Variants in ZNF3 observed in about 807,000 individuals in gnomAD.
The protein encoded by ZNF3 is C2-H2 type zinc finger protein.
In ZNF3, 16 loss-of-function variants were observed where a neutral mutation model predicts 36.9. That is an observed-to-expected ratio of 0.43 (90% CI 0.29 to 0.66). The LOEUF (loss-of-function observed/expected upper bound fraction) is 0.66, where lower values mean the gene tolerates loss of function less well. Ranked by LOEUF, ZNF3 falls within the 30% of genes least tolerant of loss-of-function variation. The pLI is 0.13. For synonymous variants in ZNF3, 201 were observed against 201.9 expected (o/e 1.00, Z 0.04); for missense variants, 462 against 543.1 (o/e 0.85, Z 1.48).
chr7:100,070,377 AAG>A lies in ZNF3; in HGVS notation c.*764_*765del. ...TTCATCATTGGAGTGGGAAGAGGAC[AAG>A]AGAGGACAGCAATCAGAGGCCAACG... is the stretch of plus-strand genomic sequence containing the variant. On this transcript the variant is annotated 3_prime_UTR_variant, in exon 6 of 6. Coordinates refer to ENST00000299667, the MANE Select transcript of ZNF3 (RefSeq NM_032924.5). 4.1e-6 allele frequency: 4 copies of A among 985,460 alleles called. No individual in the cohort carries two copies. Among genetic ancestry groups the A allele is most frequent in the Non-Finnish European group, 4.8e-6 (4 of 829,972 alleles). 61.0% of individuals were successfully genotyped at this position (985,460 alleles called of 1,614,324 possible).
intron 5 of ZNF3, 57 bp downstream of exon 5, chr7:100,075,078 C>A: frequency 6.5e-7 from 1 of 1,536,540 alleles, no homozygotes; most frequent in Non-Finnish European, 8.7e-7. Flanking sequence ...TTGTTACTAG[C>A]AAACGAAGAA....
intron 3 of ZNF3, 72 bp downstream of exon 3, chr7:100,077,230 TG>T: frequency 6.3e-7 from 1 of 1,586,948 alleles, no homozygotes; most frequent in Non-Finnish European, 8.7e-7. Flanking sequence ...GCCTAGTACC[TG>T]GTAAGTGAGC....
intron 1 of ZNF3, among the ~76,000 whole-genome samples, chr7:100,080,823 AAAAG>A (rs1156673639): frequency 3.9e-5 from 6 of 152,200 alleles, no homozygotes; most frequent in Non-Finnish European, 7.3e-5. Flanking sequence ...TTTTTTTAAA[AAAAG>A]AGCTTCAATA....
chr7:100,074,112 G>T (rs190323047), intron 5 of ZNF3, among the ~76,000 whole-genome samples: 5 of 151,820 alleles, frequency 3.3e-5, no homozygotes, highest in African/African-American at 1.2e-4. Flanking sequence ...CCGAGACCAC[G>T]CTATTGCACT....
chr7:100,077,565 ATTTTC>A (rs770478608), intron 2 of ZNF3, 132 bp from the exon 3 acceptor site: 24 of 749,140 alleles, frequency 3.2e-5, no homozygotes, highest in Non-Finnish European at 4.4e-5. Flanking sequence ...CTAGTCTTTT[ATTTTC>A]TTTTATTTTT....
At chr7:100,074,731 G>C (rs765593658) in intron 5 of ZNF3, among the ~76,000 whole-genome samples, 1 of 152,116 alleles carries the variant, frequency 6.6e-6, no homozygotes, top group Non-Finnish European at 1.5e-5. Flanking sequence ...AGTTTCCTAA[G>C]ACTAAGTCAA....
At position 100,077,410 on chromosome 7, in the gene ZNF3, G is replaced by A; in HGVS notation, c.-53C>T. 2 of 1,612,928 alleles carry A rather than the reference G, an allele frequency of 1.2e-6. No individual in the cohort carries two copies. Among genetic ancestry groups the A allele is most frequent in the Non-Finnish European group, 8.5e-7 (1 of 1,179,504 alleles). On this transcript the variant is annotated 5_prime_UTR_variant, in exon 3 of 6. Coordinates refer to ENST00000299667, the MANE Select transcript of ZNF3 (RefSeq NM_032924.5). ...TGGGTGCAGACTCAGCGGGAAGCGG[G>A]TTTTAAAAGAGAATGAGGAAGCACT...
At position 100,071,867 on chromosome 7, in the gene ZNF3, C is replaced by G; in HGVS notation, c.617G>C (p.Ser206Thr). 6.2e-7 allele frequency: 1 copy of G among 1,614,120 alleles called. No individual in the cohort carries two copies. Among genetic ancestry groups the G allele is most frequent in the South Asian group, 1.1e-5 (1 of 91,062 alleles). ...GDRPHKCDEC[S>T]KSFNRTSDLI... ...GTCTGAAGTTCGATTAAAGCTCTTG[C>G]TACATTCATCACACTTATGGGGTCT... Residue 206 changes from serine (S) to threonine (T), a missense_variant, in exon 6 of 6, where the codon AGC becomes ACC. Transcript: ENST00000299667.
downstream of ZNF3, among the ~76,000 whole-genome samples, chr7:100,068,283 G>A (rs971398159): frequency 8.5e-5 from 13 of 152,108 alleles, no homozygotes; most frequent in African/African-American, 2.6e-4. Flanking sequence ...GAGTTTTACC[G>A]TGTTGGCCAG....
chr7:100,077,482 T>A, intron 2 of ZNF3, 49 bp from the exon 3 acceptor site: 1 of 1,535,914 alleles, frequency 6.5e-7, no homozygotes, highest in Non-Finnish European at 8.8e-7. Flanking sequence ...AAAAACCTCC[T>A]GAATACAGAA....
downstream of ZNF3, among the ~76,000 whole-genome samples, chr7:100,068,546 G>A (rs923701902): frequency 5.9e-5 from 9 of 151,588 alleles, no homozygotes; most frequent in East Asian, 2.0e-4. Flanking sequence ...GGTGGTGGGC[G>A]CCTGTAATCT....
intron 3 of ZNF3, 44 bp from the exon 4 acceptor site, chr7:100,075,674 G>A (rs1352340439): frequency 6.3e-7 from 1 of 1,592,838 alleles, no homozygotes; most frequent in Non-Finnish European, 8.6e-7. Flanking sequence ...CATCTGCTCT[G>A]TGACCTCCCA....
In ZNF3 at chr7:100,072,149, A is replaced by G; in HGVS notation, c.335T>C (p.Leu112Pro). 6.2e-7 allele frequency: 1 copy of G among 1,612,742 alleles called. No individual in the cohort carries two copies. Among genetic ancestry groups the G allele is most frequent in the Non-Finnish European group, 8.5e-7 (1 of 1,179,690 alleles). The stretch of plus-strand genomic sequence containing the variant: ...AATATCCTTTTGAAATCTTCCCAGT[A>G]GGACCCCATGTGATCTTGTGTCTTC... ...ISEDTRSHGV[L>P]LGRFQKDISQ... The change falls in exon 6 of 6, where the codon CTA becomes CCA. Residue 112 changes from leucine to proline, a missense_variant. Leu to Pro is a moderately conservative substitution (Grantham distance 98). Transcript: ENST00000299667.
At position 100,071,699 on chromosome 7, in the gene ZNF3, C is replaced by G. The variant is rs773910343; in HGVS notation, c.785G>C (p.Gly262Ala). 2 of 1,613,924 alleles carry G rather than the reference C, an allele frequency of 1.2e-6. No homozygotes were observed. The highest frequency in any genetic ancestry group is 3.3e-5 in the Admixed American group (2 of 59,988). ...GEKPYECSDC[G>A]KTFSCSSALI... The stretch of plus-strand genomic sequence containing the variant: ...GGCAGAGCTACAGCTGAAGGTTTTC[C>G]CACAATCACTACATTCATAAGGTTT... The change falls in exon 6 of 6, where the codon GGG becomes GCG. Residue 262 changes from glycine (G) to alanine (A), a missense_variant. Coordinates refer to ENST00000299667, the MANE Select transcript of ZNF3 (RefSeq NM_032924.5).
At chr7:100,077,143 G>A (rs1358171342) in intron 3 of ZNF3, 160 bp downstream of exon 3, 5 of 747,896 alleles carry the variant, frequency 6.7e-6, no homozygotes, top group Middle Eastern at 3.6e-4. Flanking sequence ...ATTACTGTTC[G>A]GTCAGCTTCC....
intron 2 of ZNF3, chr7:100,078,941 G>A (rs1051157393): frequency 2.0e-5 from 3 of 152,150 alleles, no homozygotes; most frequent in Non-Finnish European, 4.4e-5. Flanking sequence ...GAAAAAAAAA[G>A]AACAAAGGAA....
At chr7:100,065,659 C>G (rs557822308), downstream of ZNF3, among the ~76,000 whole-genome samples, 10 of 151,646 alleles carry the variant, frequency 6.6e-5, no homozygotes, top group South Asian at 1.5e-3. Flanking sequence ...TGTTTCTTGC[C>G]ACTTTGATTG....
chr7:100,078,408 A>G (rs1794458327), intron 2 of ZNF3, among the ~76,000 whole-genome samples: 1 of 151,714 alleles, frequency 6.6e-6, no homozygotes, highest in Non-Finnish European at 1.5e-5. Context: ...AAGCAGGAGA[A>G]TCACTTGATC....
At position 100,077,352 on chromosome 7, in the gene ZNF3, T is replaced by C; in HGVS notation, c.6A>G (p.Glu2=). M[E]TQADLVSQEP... ...CCTGAGATACGAGATCAGCCTGAGTTTCCATGGAAGGGCAAGGTGCTCTCT... is the reference window on the plus strand; with the variant it reads ...CCTGAGATACGAGATCAGCCTGAGTCTCCATGGAAGGGCAAGGTGCTCTCT... Residue 2 remains glutamate (E), a synonymous_variant, in exon 3 of 6, where the codon GAA becomes GAG. Coordinates refer to ENST00000299667, the MANE Select transcript of ZNF3 (RefSeq NM_032924.5). 6.2e-7 allele frequency: 1 copy of C among 1,613,318 alleles called. No individual in the cohort carries two copies. The highest frequency in any genetic ancestry group is 8.5e-7 in the Non-Finnish European group (1 of 1,179,876).
Sources: gnomAD v4.1 joint callset for allele counts (sites outside exome capture counted in the v4.1 genomes callset) on GRCh38, gnomAD v4.1.1 for gene constraint, MANE v1.5 for transcripts, NCBI Gene and HGNC (gene_info 2026-07-23, HGNC 2026-07-21) for gene names.